SSBP3: variants seen among roughly 807,000 people sequenced by gnomAD.
SSBP3 encodes single stranded DNA binding protein 3, also known as single-stranded DNA-binding protein 3.
SSBP3 carries 5 observed loss-of-function variants against 69.6 expected under a neutral mutation model. The ratio of observed to expected loss-of-function variants is 0.07; its 90% CI spans 0.04 to 0.15. The LOEUF is 0.15. Among genes scored for constraint, SSBP3 ranks in the 10% least tolerant of loss-of-function variants. The pLI is 1.00. For missense variants in SSBP3, 312 were observed against 534.0 expected (o/e 0.58, Z 4.10); for synonymous variants, 196 against 193.4 (o/e 1.01, Z -0.11).
chr1:54,333,017 G>A (rs1026348256), intron 4 of SSBP3, among the ~76,000 whole-genome samples: 3 of 152,204 alleles, frequency 2.0e-5, no homozygotes, highest in African/African-American at 7.2e-5. Flanking sequence ...TTGACAACCA[G>A]GGCTTCCTAA....
At chr1:54,384,617 G>C (rs1325857920) in intron 4 of SSBP3, among the ~76,000 whole-genome samples, 1 of 152,252 alleles carries the variant, frequency 6.6e-6, no homozygotes, top group Non-Finnish European at 1.5e-5. Flanking sequence ...AAGAATGGCA[G>C]CAAGTGCTCC....
chr1:54,357,862 T>C (rs1646892985), intron 4 of SSBP3, among the ~76,000 whole-genome samples: 1 of 152,230 alleles, frequency 6.6e-6, no homozygotes, highest in East Asian at 1.9e-4. Flanking sequence ...TCTTTCCACA[T>C]GCACAGCAGT....
rs6588513 is a variant in SSBP3 at position 54,401,719 on chromosome 1, A to G, written c.276+142T>C. ...AGAAAGGTACCATTGGGAGGGCTGC[A>G]GAGAGGTGGGCAGGGGAACAGAAAG... is the stretch of plus-strand genomic sequence containing the variant. On this transcript the variant is annotated intron_variant, in intron 4 of 17. Transcript: ENST00000610401. The G allele has an allele frequency of 0.012, 8,031 of 647,712 alleles. 475 individuals carry two copies. The African/African-American group carries it at 0.13, about 10-fold the overall frequency. 40.1% of individuals were successfully genotyped at this position (647,712 alleles called of 1,614,324 possible).
chr1:54,374,545 C>T (rs1647185783), intron 4 of SSBP3, among the ~76,000 whole-genome samples: 1 of 152,198 alleles, frequency 6.6e-6, no homozygotes, highest in Non-Finnish European at 1.5e-5. Context: ...TCACAAACCA[C>T]CCTCAACTAT....
At chr1:54,292,746 G>A (rs539436200) in intron 4 of SSBP3, among the ~76,000 whole-genome samples, 1 of 152,288 alleles carries the variant, frequency 6.6e-6, no homozygotes, top group South Asian at 2.1e-4. Flanking sequence ...GAATTCACCA[G>A]GACATGAATT....
chr1:54,368,220 C>G (rs1647058991), intron 4 of SSBP3, among the ~76,000 whole-genome samples: 1 of 150,818 alleles, frequency 6.6e-6, no homozygotes, highest in Non-Finnish European at 1.5e-5. Flanking sequence ...ATGGCATGAA[C>G]CCGGGAGGCG....
At chr1:54,384,726 G>A (rs772192932) in intron 4 of SSBP3, among the ~76,000 whole-genome samples, 20 of 152,126 alleles carry the variant, frequency 1.3e-4, no homozygotes, top group Non-Finnish European at 1.9e-4. Flanking sequence ...CACCCTAACA[G>A]AAAAATACAC....
At chr1:54,329,254 T>C (rs1156254634) in intron 4 of SSBP3, among the ~76,000 whole-genome samples, 1 of 152,078 alleles carries the variant, frequency 6.6e-6, no homozygotes, top group Non-Finnish European at 1.5e-5. Flanking sequence ...ATACTTTTTT[T>C]AAAGGGCTGT....
chr1:54,354,110 A>G (rs562287543), intron 4 of SSBP3, among the ~76,000 whole-genome samples: 7 of 152,284 alleles, frequency 4.6e-5, no homozygotes, highest in South Asian at 2.1e-4. Flanking sequence ...CCATTTCACT[A>G]TCTGCAACCT....
intron 5 of SSBP3, among the ~76,000 whole-genome samples, chr1:54,259,047 T>G (rs1204534623): frequency 6.6e-6 from 1 of 151,888 alleles, no homozygotes; most frequent in African/African-American, 2.4e-5. Context: ...GGGAAGTGCA[T>G]GAAGGGTGGG....
At chr1:54,363,846 C>G (rs1030631531) in intron 4 of SSBP3, among the ~76,000 whole-genome samples, 2 of 152,198 alleles carry the variant, frequency 1.3e-5, no homozygotes, top group Admixed American at 1.3e-4. Context: ...TACAACTCTT[C>G]AGGAACAGGG....
At chr1:54,289,333 AAG>A (rs986850105) in intron 4 of SSBP3, among the ~76,000 whole-genome samples, 1 of 149,778 alleles carries the variant, frequency 6.7e-6, no homozygotes, top group Non-Finnish European at 1.5e-5. Context: ...GATCCCACTG[AAG>A]AGTCTGTTGG....
At chr1:54,276,405 A>G (rs536684) in intron 5 of SSBP3, among the ~76,000 whole-genome samples, 94,776 of 151,392 alleles carry the variant, frequency 0.63, 30,299 homozygotes, top group African/African-American at 0.74. Flanking sequence ...GAGGTCAGGA[A>G]TTCGAGACCG....
At chr1:54,227,912 G>C in intron 17 of SSBP3, among the ~76,000 whole-genome samples, 1 of 152,298 alleles carries the variant, frequency 6.6e-6, no homozygotes, top group Middle Eastern at 3.4e-3. Context: ...CCTGAAAATC[G>C]TTGGCTGCAC....
intron 5 of SSBP3, among the ~76,000 whole-genome samples, chr1:54,280,469 GCCT>G (rs1490342932): frequency 4.6e-5 from 7 of 152,176 alleles, no homozygotes; most frequent in Non-Finnish European, 1.0e-4. Context: ...GGAAATTTCT[GCCT>G]CCTTTTCCAC....
chr1:54,400,896 G>C (rs963409632), intron 4 of SSBP3, among the ~76,000 whole-genome samples: 1 of 152,186 alleles, frequency 6.6e-6, no homozygotes, highest in Non-Finnish European at 1.5e-5. Context: ...TGACGTTCAA[G>C]AAACCAACTC....
chr1:54,331,124 T>C (rs1435954117), intron 4 of SSBP3, among the ~76,000 whole-genome samples: 1 of 152,200 alleles, frequency 6.6e-6, no homozygotes, highest in African/African-American at 2.4e-5. Flanking sequence ...CATAAACATA[T>C]GCCCCGATAT....
intron 5 of SSBP3, among the ~76,000 whole-genome samples, chr1:54,274,813 T>G (rs1027793792): frequency 2.0e-5 from 3 of 152,086 alleles, no homozygotes; most frequent in Admixed American, 2.0e-4. Flanking sequence ...TTTAAGTCCT[T>G]CCTGTGTCTA....
chr1:54,239,286 G>T (rs1340042605), intron 13 of SSBP3, 87 bp from the exon 14 acceptor site: 4 of 1,082,208 alleles, frequency 3.7e-6, no homozygotes, highest in South Asian at 1.5e-5. Context: ...TCATTCTTTT[G>T]TATTTTATAA....
Sources: gnomAD v4.1 joint callset for allele counts (sites outside exome capture counted in the v4.1 genomes callset) on GRCh38, gnomAD v4.1.1 for gene constraint, MANE v1.5 for transcripts, NCBI Gene and HGNC (gene_info 2026-07-23, HGNC 2026-07-21) for gene names.